Variants in TANC1 observed in about 807,000 individuals in gnomAD.
The protein encoded by TANC1 is protein TANC1.
TANC1 carries 77 observed loss-of-function variants against 149.7 expected under a neutral mutation model. The ratio of observed to expected loss-of-function variants is 0.51; its 90% CI spans 0.43 to 0.62. TANC1 has a LOEUF of 0.62. TANC1 is among the 20% of genes least tolerant of loss of function. The pLI, the probability that TANC1 is intolerant of heterozygous loss-of-function variation, is 0.00. For missense variants in TANC1, 1,985 were observed against 2,321.8 expected, an observed-to-expected ratio of 0.85 and a Z score of 2.98; for synonymous variants, 854 against 925.0, an observed-to-expected ratio of 0.92 and a Z score of 1.39.
At chr2:158,999,067 T>C (rs2036396734) in intron 1 of TANC1, among the ~76,000 whole-genome samples, 1 of 152,070 alleles carries the variant, frequency 6.6e-6, no homozygotes, top group Non-Finnish European at 1.5e-5. Context: ...GCATAATGAT[T>C]TTAAAACTAA....
intron 2 of TANC1, among the ~76,000 whole-genome samples, chr2:159,024,878 A>G (rs943093394): frequency 6.6e-6 from 1 of 152,242 alleles, no homozygotes; most frequent in Non-Finnish European, 1.5e-5. Context: ...TATTCAGGAC[A>G]GTAACATGCT....
intron 3 of TANC1, among the ~76,000 whole-genome samples, chr2:159,088,441 A>G (rs2045179062): frequency 6.6e-6 from 1 of 152,114 alleles, no homozygotes; most frequent in Non-Finnish European, 1.5e-5. Flanking sequence ...ATCATGGACT[A>G]AGTTTTCTAT....
chr2:159,052,410 C>G (rs17812009), intron 2 of TANC1, among the ~76,000 whole-genome samples: 2 of 151,938 alleles, frequency 1.3e-5, no homozygotes. Context: ...GTGACATACT[C>G]GCTCCTGCTA....
At chr2:159,062,727 G>A (rs1205954818) in intron 2 of TANC1, among the ~76,000 whole-genome samples, 1 of 151,880 alleles carries the variant, frequency 6.6e-6, no homozygotes, top group African/African-American at 2.4e-5. Context: ...CAGCACTTTG[G>A]GAGGCCGAGG....
intron 1 of TANC1, among the ~76,000 whole-genome samples, chr2:158,982,320 T>C (rs923229678): frequency 1.3e-5 from 2 of 152,198 alleles, no homozygotes; most frequent in Non-Finnish European, 2.9e-5. Context: ...ACACTCCTTT[T>C]TTCTCCCCTC....
intron 4 of TANC1, among the ~76,000 whole-genome samples, chr2:159,122,017 A>G (rs2048899193): frequency 6.6e-6 from 1 of 152,238 alleles, no homozygotes; most frequent in African/African-American, 2.4e-5. Context: ...GGCTCACTGC[A>G]GCCTTAACCT....
intron 2 of TANC1, among the ~76,000 whole-genome samples, chr2:159,015,552 C>T (rs943793943): frequency 6.6e-6 from 1 of 152,224 alleles, no homozygotes; most frequent in Non-Finnish European, 1.5e-5. Flanking sequence ...GATTTCTCCT[C>T]AGAAAATAGA....
intron 22 of TANC1, 131 bp from the exon 23 acceptor site, chr2:159,224,101 T>A (rs1020497122): frequency 1.9e-6 from 2 of 1,054,434 alleles, no homozygotes; most frequent in Non-Finnish European, 2.8e-6. Flanking sequence ...CCACTTTATT[T>A]CTAGTCTAGG....
At chr2:159,225,411 C>T (rs1470890701) in intron 23 of TANC1, 7 of 516,896 alleles carry the variant, frequency 1.4e-5, no homozygotes, top group Non-Finnish European at 2.4e-5. Context: ...ATTTTCCCCA[C>T]ATCCCACCCG....
At chr2:159,116,457 A>AACAAC (rs1559289058) in intron 4 of TANC1, among the ~76,000 whole-genome samples, 155 of 98,182 alleles carry the variant, frequency 1.6e-3, no homozygotes, top group Middle Eastern at 6.3e-3. Context: ...ACAACAACAA[A>AACAAC]AAAAAAAAAA....
In TANC1 at chr2:159,150,481, G is replaced by A. The variant is rs1041926923; in HGVS notation, c.607G>A (p.Ala203Thr). The A allele has an allele frequency of 2.5e-6, 4 of 1,613,938 alleles. No individual in the cohort carries two copies. The highest frequency in any genetic ancestry group is 2.5e-6 in the Non-Finnish European group (3 of 1,179,956). ...CTTGAATAGCTGTGTCAGCAAGACG[G>A]CAGCCAACAAAAGTCCCTGTGAGAC... is the stretch of plus-strand genomic sequence containing the variant. The part of the protein sequence containing the change: ...STLNSCVSKT[A>T]ANKSPCETIS... The change falls in exon 7 of 27, where the codon GCA becomes ACA. Residue 203 changes from alanine to threonine, a missense_variant. Transcript: ENST00000263635.
chr2:159,098,095 T>C (rs1272324308), intron 4 of TANC1, among the ~76,000 whole-genome samples: 1 of 152,220 alleles, frequency 6.6e-6, no homozygotes, highest in Non-Finnish European at 1.5e-5. Context: ...CCAGCAATTT[T>C]GTTGTTTTCT....
intron 2 of TANC1, among the ~76,000 whole-genome samples, chr2:159,038,526 A>C (rs911518548): frequency 2.6e-5 from 4 of 152,218 alleles, no homozygotes; most frequent in African/African-American, 7.2e-5. Flanking sequence ...GATACATCCC[A>C]TCAATACCTA....
At chr2:159,137,633 G>A (rs1297162254) in intron 5 of TANC1, among the ~76,000 whole-genome samples, 3 of 152,156 alleles carry the variant, frequency 2.0e-5, no homozygotes, top group African/African-American at 4.8e-5. Flanking sequence ...CGTTCACGTG[G>A]GCAGGCAGTC....
chr2:159,193,599 A>T (rs905272913), intron 16 of TANC1, among the ~76,000 whole-genome samples: 2 of 152,126 alleles, frequency 1.3e-5, no homozygotes, highest in Admixed American at 6.5e-5. Flanking sequence ...ATCTCAGCTC[A>T]CTGCAACCTC....
At chr2:159,055,776 T>C (rs912428355) in intron 2 of TANC1, among the ~76,000 whole-genome samples, 1 of 152,228 alleles carries the variant, frequency 6.6e-6, no homozygotes. Flanking sequence ...CCCTGCACTG[T>C]GAACTCCTGA....
At chr2:159,165,136 C>G (rs1407951077) in intron 8 of TANC1, among the ~76,000 whole-genome samples, 3 of 152,180 alleles carry the variant, frequency 2.0e-5, no homozygotes, top group Admixed American at 2.0e-4. Context: ...GGAAACATTA[C>G]TGTGTTAATT....
chr2:158,999,573 T>C (rs188190759), intron 1 of TANC1, among the ~76,000 whole-genome samples: 47 of 152,334 alleles, frequency 3.1e-4, no homozygotes, highest in Admixed American at 1.8e-3. Context: ...ACTGCCTTGC[T>C]ATTTTGGGCG....
chr2:159,217,110 G>A (rs2059397533), intron 19 of TANC1, among the ~76,000 whole-genome samples: 1 of 152,162 alleles, frequency 6.6e-6, no homozygotes, highest in African/African-American at 2.4e-5. Context: ...CTTCCAGATG[G>A]GACATGCATG....
Sources: gnomAD v4.1 joint callset for allele counts (sites outside exome capture counted in the v4.1 genomes callset) on GRCh38, gnomAD v4.1.1 for gene constraint, MANE v1.5 for transcripts, NCBI Gene and HGNC (gene_info 2026-07-23, HGNC 2026-07-21) for gene names.